The following SV2C variants were observed in gnomAD, a reference collection of about 807,000 sequenced individuals.
SV2C encodes solute carrier family 22 member B3.
In SV2C, 49 loss-of-function variants were observed where a neutral mutation model predicts 79.7. The observed-to-expected ratio is 0.61, with a 90% CI of 0.49 to 0.78. The LOEUF is 0.78. Ranked by LOEUF, SV2C falls within the 30% of genes least tolerant of loss-of-function variation. The pLI is 0.00. For synonymous variants in SV2C, 334 were observed against 333.2 expected, an observed-to-expected ratio of 1.00 and a Z score of -0.03; for missense variants, 833 against 912.9, an observed-to-expected ratio of 0.91 and a Z score of 1.13.
chr5:76,115,336 A>T (rs1748229817), intron 1 of SV2C, among the ~76,000 whole-genome samples: 1 of 152,242 alleles, frequency 6.6e-6, no homozygotes, highest in Non-Finnish European at 1.5e-5. Flanking sequence ...TTCTACTTTT[A>T]GTGATAGGCG....
At chr5:76,136,174 G>C (rs1170433576) in intron 2 of SV2C, among the ~76,000 whole-genome samples, 1 of 152,192 alleles carries the variant, frequency 6.6e-6, no homozygotes, top group African/African-American at 2.4e-5. Flanking sequence ...AACTAAACCT[G>C]AGCTAATTAA....
the SV2C span, among the ~76,000 whole-genome samples, chr5:75,882,802 T>TAAAAAAA: frequency 6.7e-6 from 1 of 150,068 alleles, no homozygotes; most frequent in African/African-American, 2.4e-5. Flanking sequence ...AAAAAAAAAC[T>TAAAAAAA]CCAAAAGCAA....
chr5:76,030,299 TCCTG>T, the SV2C span, among the ~76,000 whole-genome samples: 1 of 124,028 alleles, frequency 8.1e-6, no homozygotes, highest in Non-Finnish European at 1.7e-5. Context: ...TTTTATTTAT[TCCTG>T]TAAAGTTCTT....
intron 6 of SV2C, among the ~76,000 whole-genome samples, chr5:76,287,813 G>A (rs192649293): frequency 3.3e-4 from 50 of 152,258 alleles, no homozygotes; most frequent in African/African-American, 7.7e-4. Context: ...ATGGCCAGGC[G>A]TGGTGACTCA....
At chr5:76,141,468 A>T (rs991846931) in intron 2 of SV2C, among the ~76,000 whole-genome samples, 1 of 152,160 alleles carries the variant, frequency 6.6e-6, no homozygotes. Context: ...ACCTAAAGTC[A>T]CTGGAGAACT....
intron 12 of SV2C, among the ~76,000 whole-genome samples, chr5:76,324,786 G>A (rs1463139571): frequency 6.6e-6 from 1 of 152,132 alleles, no homozygotes; most frequent in Non-Finnish European, 1.5e-5. Flanking sequence ...AACCTGCGAA[G>A]TGGAGGCTGC....
intron 12 of SV2C, among the ~76,000 whole-genome samples, chr5:76,339,441 A>G (rs551375090): frequency 3.2e-4 from 49 of 152,248 alleles, no homozygotes; most frequent in South Asian, 2.5e-3. Flanking sequence ...TTCAATGGGC[A>G]TGGTGGCTCA....
chr5:75,852,271 A>G, the SV2C span, among the ~76,000 whole-genome samples: 1 of 152,264 alleles, frequency 6.6e-6, no homozygotes, highest in Admixed American at 6.5e-5. Context: ...TATGTAACAA[A>G]CCTGCACGTT....
the SV2C span, among the ~76,000 whole-genome samples, chr5:76,023,931 T>C: frequency 1.3e-5 from 2 of 151,666 alleles, no homozygotes; most frequent in African/African-American, 4.8e-5. Context: ...CTCTACACAC[T>C]AGATACCAGT....
the SV2C span, among the ~76,000 whole-genome samples, chr5:76,039,598 T>C: frequency 8.6e-5 from 13 of 151,314 alleles, no homozygotes; most frequent in African/African-American, 2.4e-4. Context: ...TCTACTAAAA[T>C]TACAAAAATT....
chr5:76,037,139 C>T, the SV2C span, among the ~76,000 whole-genome samples: 1 of 152,122 alleles, frequency 6.6e-6, no homozygotes, highest in Admixed American at 6.6e-5. Context: ...TCTAGTTATA[C>T]CTTCTTCTAA....
the SV2C span, among the ~76,000 whole-genome samples, chr5:75,972,998 T>TA: frequency 6.6e-6 from 1 of 152,008 alleles, no homozygotes; most frequent in African/African-American, 2.4e-5. Context: ...TATGCAGCTA[T>TA]AAAAATGATG....
chr5:76,335,508 A>G (rs565290777), downstream of SV2C, among the ~76,000 whole-genome samples: 7,575 of 145,652 alleles, frequency 0.052, 665 homozygotes, highest in African/African-American at 0.18. Context: ...AGTGGAGGGA[A>G]GGTCAGCAGA....
chr5:75,963,805 A>C, the SV2C span, among the ~76,000 whole-genome samples: 14 of 152,144 alleles, frequency 9.2e-5, no homozygotes, highest in East Asian at 2.7e-3. Flanking sequence ...CAAATGTCAG[A>C]CTGTCTTAGA....
chr5:76,092,691 C>T (rs1406211653), intron 1 of SV2C, among the ~76,000 whole-genome samples: 4 of 152,112 alleles, frequency 2.6e-5, no homozygotes, highest in East Asian at 1.9e-4. Context: ...GTGTATTTGA[C>T]GGGATGGGAG....
At chr5:76,207,581 A>G (rs1264276240) in intron 3 of SV2C, among the ~76,000 whole-genome samples, 4 of 152,152 alleles carry the variant, frequency 2.6e-5, no homozygotes, top group Non-Finnish European at 5.9e-5. Context: ...GTTTTTTGTC[A>G]TGGTTAATAT....
At chr5:75,978,277 G>C in the SV2C span, among the ~76,000 whole-genome samples, 1 of 152,102 alleles carries the variant, frequency 6.6e-6, no homozygotes, top group Non-Finnish European at 1.5e-5. Context: ...TACCACACTA[G>C]CTGTACTTTG....
chr5:75,853,869 C>G, the SV2C span, among the ~76,000 whole-genome samples: 1 of 149,950 alleles, frequency 6.7e-6, no homozygotes, highest in African/African-American at 2.4e-5. Context: ...CTACTTTATT[C>G]AGGTAAAATG....
the SV2C span, among the ~76,000 whole-genome samples, chr5:75,865,356 C>T: frequency 2.6e-5 from 4 of 152,150 alleles, no homozygotes; most frequent in African/African-American, 9.7e-5. Flanking sequence ...GCATCAGTGC[C>T]ACTCATGTCA....
Sources: allele counts gnomAD v4.1 joint callset (sites outside exome capture counted in the v4.1 genomes callset), GRCh38; gene constraint gnomAD v4.1.1; transcripts MANE v1.5; gene names NCBI Gene and HGNC (gene_info 2026-07-23, HGNC 2026-07-21).